The following TUT1 variants were observed in gnomAD, a reference collection of about 807,000 sequenced individuals.
TUT1 encodes speckle targeted PIP5K1A-regulated poly(A) polymerase.
A neutral mutation model predicts 48.8 loss-of-function variants in TUT1; 26 were observed. The observed-to-expected ratio is 0.53, with a 90% confidence interval of 0.39 to 0.74. TUT1 has a LOEUF of 0.74. Ranked by LOEUF, TUT1 falls within the 30% of genes least tolerant of loss-of-function variation. The probability of loss-of-function intolerance (pLI) is 0.00; values close to 1 mark genes in which losing one functional copy is unlikely to be tolerated. For missense variants in TUT1, 1,065 were observed against 1,114.8 expected (o/e 0.96, Z 0.64); for synonymous variants, 470 against 460.8 (o/e 1.02, Z -0.26).
At chr11:62,584,949 A>G (rs1191769559) in intron 2 of TUT1, among the ~76,000 whole-genome samples, 1 of 151,354 alleles carries the variant, frequency 6.6e-6, no homozygotes, top group Non-Finnish European at 1.5e-5. Context: ...AGTCTCCTGA[A>G]TAGCTGGGAT....
At position 62,575,986 on chromosome 11, in the gene TUT1, T is replaced by C. The variant is rs1941720505; in HGVS notation, c.1733A>G (p.Gln578Arg). 5.6e-6 allele frequency: 9 copies of C among 1,613,990 alleles called. No individual in the cohort carries two copies. Among genetic ancestry groups the C allele is most frequent in the African/African-American group, 1.3e-5 (1 of 75,060 alleles). Residue 578 changes from glutamine (Q) to arginine (R), a missense_variant, in exon 9 of 9, where the codon CAG becomes CGG. Physicochemically the swap from Gln to Arg is conservative, Grantham distance 43. Coordinates refer to ENST00000476907, the MANE Select transcript of TUT1 (RefSeq NM_022830.3). Reference sequence around the variant, plus strand: ...ACCCCGGGAGGAACGGCGCTGGTACTGGAGGCTTCGGCAGTAATTGGCTGC... The same window carrying C: ...ACCCCGGGAGGAACGGCGCTGGTACCGGAGGCTTCGGCAGTAATTGGCTGC... ...RAAANYCRSL[Q>R]YQRRSSRGRD...
At chr11:62,587,535 A>G (rs1941940953) in intron 2 of TUT1, among the ~76,000 whole-genome samples, 1 of 152,224 alleles carries the variant, frequency 6.6e-6, no homozygotes, top group African/African-American at 2.4e-5. Context: ...TTTTCTGAAG[A>G]TATGGGGCAG....
chr11:62,584,108 C>T (rs1941871922), intron 2 of TUT1, among the ~76,000 whole-genome samples: 1 of 151,100 alleles, frequency 6.6e-6, no homozygotes, highest in Non-Finnish European at 1.5e-5. Flanking sequence ...TGTGAATATA[C>T]TAACACTCAC....
At chr11:62,578,004 T>C (rs1941757312) in intron 5 of TUT1, among the ~76,000 whole-genome samples, 1 of 139,448 alleles carries the variant, frequency 7.2e-6, no homozygotes, top group South Asian at 2.2e-4. Flanking sequence ...GAGGATCCAG[T>C]GAGCTGAGAT....
intron 7 of TUT1, 66 bp downstream of exon 7, chr11:62,576,840 AT>A: frequency 6.3e-7 from 1 of 1,594,498 alleles, no homozygotes; most frequent in Non-Finnish European, 8.6e-7. Context: ...TGCTTGGTGT[AT>A]CTAAGTGTGA....
At chr11:62,586,120 A>G (rs1590722849) in intron 2 of TUT1, among the ~76,000 whole-genome samples, 1 of 152,186 alleles carries the variant, frequency 6.6e-6, no homozygotes, top group African/African-American at 2.4e-5. Context: ...CTCCATCTCA[A>G]ATAAATAAAT....
chr11:62,578,637 GCA>G lies in TUT1; in HGVS notation c.1082_1083del (p.Val361AlafsTer20). On this transcript the variant is annotated frameshift_variant, in exon 5 of 9. Coordinates refer to ENST00000476907, the MANE Select transcript of TUT1 (RefSeq NM_022830.3). LOFTEE classifies it high-confidence loss of function. The stretch of plus-strand genomic sequence containing the variant: ...TTGACCACAGGGCGCCGGGCAGAGG[GCA>G]CAGTTTGGACTCGATACACCCCAGG... ...CVPGVYRVQT[V>X]PSARRPVVKF... The G allele has an allele frequency of 6.2e-7, 1 of 1,614,170 alleles. No individual in the cohort carries two copies. The highest frequency in any genetic ancestry group is 8.5e-7 in the Non-Finnish European group (1 of 1,180,022).
chr11:62,575,380 C>T lies in TUT1; in HGVS notation c.2339G>A (p.Arg780Gln), dbSNP rs148017119. ...LWHRVWQGRR[R>Q]ARRRLQQQTK... ...TTGCTGCTGCAAGCGTCTACGGGCT[C>T]GCCGCCGCCCTTGCCACACTCGGTG... Residue 780 changes from arginine to glutamine, a missense_variant, in exon 9 of 9, where the codon CGA (arginine) becomes CAA (glutamine). Coordinates refer to ENST00000476907, the MANE Select transcript of TUT1 (RefSeq NM_022830.3). 167 of 1,612,936 alleles carry T rather than the reference C, an allele frequency of 1.0e-4. No homozygotes were observed. Among genetic ancestry groups the T allele is most frequent in the Admixed American group, 1.5e-4 (9 of 60,008 alleles).
chr11:62,576,811 G>T, intron 7 of TUT1, 62 bp from the exon 8 acceptor site: 1 of 1,597,238 alleles, frequency 6.3e-7, no homozygotes, highest in Non-Finnish European at 8.6e-7. Context: ...TGGGGGTAGA[G>T]AGATCTCATT....
At chr11:62,580,047 G>A (rs1237626247) in intron 4 of TUT1, among the ~76,000 whole-genome samples, 3 of 152,148 alleles carry the variant, frequency 2.0e-5, no homozygotes. Flanking sequence ...GAATGAGGCA[G>A]GAGGATTCCT....
intron 4 of TUT1, among the ~76,000 whole-genome samples, chr11:62,580,671 C>T (rs1442241096): frequency 7.3e-6 from 1 of 136,388 alleles, no homozygotes; most frequent in African/African-American, 2.8e-5. Context: ...GGCACAATCT[C>T]GGCTCACTGC....
At chr11:62,589,465 G>A (rs547780863) in intron 1 of TUT1, among the ~76,000 whole-genome samples, 2 of 151,500 alleles carry the variant, frequency 1.3e-5, no homozygotes, top group East Asian at 1.9e-4. Flanking sequence ...GTTCAGTGGC[G>A]CAGTCTCCAC....
rs759675789 is a variant in TUT1 at position 62,576,048 on chromosome 11, G to C, written c.1671C>G (p.Ser557Arg). 7 of 1,613,898 alleles carry C rather than the reference G, an allele frequency of 4.3e-6. No individual in the cohort carries two copies. In the Admixed American group the frequency reaches 1.2e-4, roughly 27 times the overall value. Residue 557 changes from serine (S) to arginine (R), a missense_variant, in exon 9 of 9, where the codon AGC becomes AGG. Physicochemically the swap from Ser to Arg is moderately radical, Grantham distance 110. Transcript: ENST00000476907. ...AGTTCTGTAGGCGCCCAGCCACCCG[G>C]CTGGTCACATTGGCTGCGACATTGT... Reference protein sequence around the residue: ...LSHNVAANVTSRVAGRLQNCC... With the variant: ...LSHNVAANVTRRVAGRLQNCC...
chr11:62,584,887 T>C (rs1941884778), intron 2 of TUT1, among the ~76,000 whole-genome samples: 1 of 152,136 alleles, frequency 6.6e-6, no homozygotes, highest in South Asian at 2.1e-4. Context: ...AGTGGCACGA[T>C]CTCGGCTCAC....
intron 5 of TUT1, among the ~76,000 whole-genome samples, chr11:62,577,601 A>G (rs1018327047): frequency 1.3e-5 from 2 of 151,548 alleles, no homozygotes; most frequent in Non-Finnish European, 2.9e-5. Context: ...AAAAAAAAAA[A>G]GACTGCCCAG....
chr11:62,587,353 G>C (rs1941937352), intron 2 of TUT1, among the ~76,000 whole-genome samples: 1 of 152,012 alleles, frequency 6.6e-6, no homozygotes, highest in African/African-American at 2.4e-5. Context: ...CGCTAATTTT[G>C]TATTTTTAGT....
intron 3 of TUT1, 37 bp downstream of exon 3, chr11:62,581,349 C>T (rs1306923137): frequency 3.8e-6 from 6 of 1,574,864 alleles, no homozygotes; most frequent in Non-Finnish European, 5.2e-6. Context: ...GAGCAAAGGC[C>T]AGGGAGGGCT....
rs1187058045 is a variant in TUT1, at chr11:62,581,177, T to A, written c.619A>T (p.Ile207Leu). 1 of 1,614,114 alleles carries A rather than the reference T, an allele frequency of 6.2e-7. No homozygotes were observed. The highest frequency in any genetic ancestry group is 2.2e-5 in the East Asian group (1 of 44,874). ...CAGCCATGGACATCGAAGCTATTTA[T>A]GGAAGAGCCAAAAGGGTGGACCACA... ...GCVVHPFGSS[I>L]NSFDVHGCDL... Residue 207 changes from isoleucine to leucine, a missense_variant, in exon 4 of 9, where the codon ATA becomes TTA. Physicochemically the swap from Ile to Leu is conservative, Grantham distance 5. Transcript: ENST00000476907.
At chr11:62,587,009 G>T (rs570470486) in intron 2 of TUT1, among the ~76,000 whole-genome samples, 1 of 127,780 alleles carries the variant, frequency 7.8e-6, no homozygotes, top group South Asian at 2.6e-4. Flanking sequence ...CCAGTCGAGA[G>T]AAATACTTTT....
Sources: gnomAD v4.1 joint callset for allele counts (sites outside exome capture counted in the v4.1 genomes callset) on GRCh38, gnomAD v4.1.1 for gene constraint, MANE v1.5 for transcripts, NCBI Gene and HGNC (gene_info 2026-07-23, HGNC 2026-07-21) for gene names.